ADAMTS13: variants seen among roughly 807,000 people sequenced by gnomAD.
ADAMTS13 encodes A disintegrin and metalloproteinase with thrombospondin motifs 13.
In ADAMTS13, 110 loss-of-function variants were observed where a neutral mutation model predicts 155.1. That is an observed-to-expected ratio of 0.71 (90% confidence interval 0.61 to 0.83). The LOEUF (loss-of-function observed/expected upper bound fraction) is 0.83. Ranked by LOEUF, ADAMTS13 falls within the 40% of genes least tolerant of loss-of-function variation. The pLI is 0.00. For missense variants in ADAMTS13, 1,707 were observed against 1,891.7 expected (o/e 0.90, Z 1.81); for synonymous variants, 758 against 756.4 (o/e 1.00, Z -0.03).
rs1293587041 is a variant in ADAMTS13, at chr9:133,440,606, A to G, written c.1968+81A>G. On this transcript the variant is annotated intron_variant, in intron 16 of 28. Transcript: ENST00000355699. The surrounding 1 kb of genome is among the most constrained non-coding windows in gnomAD (Gnocchi z 4.3). The stretch of plus-strand genomic sequence containing the variant: ...TGCTTGCTCGTTTGTCTATCCATCC[A>G]TTCCCTGATTCGTTCATTTATTCAT... The G allele has an allele frequency of 4.1e-5, 58 of 1,424,118 alleles. No individual in the cohort carries two copies. The highest frequency in any genetic ancestry group is 5.3e-5 in the Non-Finnish European group (56 of 1,066,510). 88.2% of individuals were successfully genotyped at this position (1,424,118 alleles called of 1,614,324 possible).
chr9:133,448,564 C>T (rs1554793252), intron 21 of ADAMTS13, 35 bp from the exon 22 acceptor site: 1 of 1,605,854 alleles, frequency 6.2e-7, no homozygotes, highest in East Asian at 2.2e-5. Flanking sequence ...TGAGCCTGTC[C>T]CTTGGGGCTC....
chr9:133,440,779 C>G lies in ADAMTS13; in HGVS notation c.1968+254C>G, dbSNP rs1250182332. Among the ~76,000 whole-genome samples the G allele has an allele frequency of 6.6e-6, 1 of 152,084 alleles. No individual in the cohort carries two copies. The highest frequency in any genetic ancestry group is 2.4e-5 in the African/African-American group (1 of 41,408). ...GGAGAAGGCCCTGCAGTTCTGGGAT[C>G]AGGTAAGGTTGGAGGGCCCAATGCA... On this transcript the variant is annotated intron_variant, in intron 16 of 28. Transcript: ENST00000355699. This position sits in a 1 kb window ranked among gnomAD's most constrained non-coding sequence, Gnocchi z 4.3.
At position 133,454,430 on chromosome 9, in the gene ADAMTS13, C is replaced by A. The variant is rs370359180; in HGVS notation, c.3060C>A (p.Ser1020=). The A allele has an allele frequency of 6.2e-7, 1 of 1,613,884 alleles. No homozygotes were observed. Among genetic ancestry groups the A allele is most frequent in the African/African-American group, 1.3e-5 (1 of 75,058 alleles). ...CTTCCTGCAGGTGGAAAGTCATGTC[C>A]CTTGGCCCATGTTCGGCCAGCTGTG... is the stretch of plus-strand genomic sequence containing the variant. The part of the protein sequence containing the change: ...EPCPPRWKVM[S]LGPCSASCGL... Residue 1020 remains serine, a synonymous_variant, in exon 24 of 29, where the codon TCC becomes TCA. Transcript: ENST00000355699.
chr9:133,423,960 T>G (rs1193831147), intron 2 of ADAMTS13, among the ~76,000 whole-genome samples: 2 of 152,248 alleles, frequency 1.3e-5, no homozygotes, highest in Admixed American at 6.5e-5. Context: ...AAGAGACCAC[T>G]GGGCTCCACT....
chr9:133,458,087 A>G lies in ADAMTS13; in HGVS notation c.3902A>G (p.Tyr1301Cys). The change falls in exon 28 of 29, where the codon TAC becomes TGC. Residue 1301 changes from tyrosine (Y) to cysteine (C), a missense_variant. Physicochemically the swap from Tyr to Cys is radical, Grantham distance 194. Transcript: ENST00000355699. ...GGGACCGAGGGAGCCAATGCCAGCT[A>G]CATCTTGGTGAGGCCCAGCATGGGG... ...GAGTEGANAS[Y>C]ILIRDTHSLR... 6.2e-7 allele frequency: 1 copy of G among 1,613,316 alleles called. No homozygotes were observed. Among genetic ancestry groups the G allele is most frequent in the Non-Finnish European group, 8.5e-7 (1 of 1,179,988 alleles).
chr9:133,422,551 G>A lies in ADAMTS13; in HGVS notation c.105+3G>A. On this transcript the variant is annotated splice_donor_region_variant and intron_variant, in intron 1 of 28. Coordinates refer to ENST00000355699, the MANE Select transcript of ADAMTS13 (RefSeq NM_139027.6). Reference sequence around the variant, plus strand: ...GGGGACCCTCCCATTTCCAGCAGGTGGGCTCATTTGCAGGAGCGGGGGTAT... The same window carrying A: ...GGGGACCCTCCCATTTCCAGCAGGTAGGCTCATTTGCAGGAGCGGGGGTAT... 6.2e-7 allele frequency: 1 copy of A among 1,613,982 alleles called. No individual in the cohort carries two copies. Among genetic ancestry groups the A allele is most frequent in the Non-Finnish European group, 8.5e-7 (1 of 1,179,976 alleles).
At chr9:133,448,560 T>C in intron 21 of ADAMTS13, 39 bp from the exon 22 acceptor site, 1 of 1,604,974 alleles carries the variant, frequency 6.2e-7, no homozygotes. Context: ...TTGCTGAGCC[T>C]GTCCCTTGGG....
chr9:133,458,205 T>G, intron 28 of ADAMTS13, 111 bp downstream of exon 28: 1 of 1,291,796 alleles, frequency 7.7e-7, no homozygotes, highest in Non-Finnish European at 1.1e-6. Flanking sequence ...TCAAAATCAT[T>G]AGTGAAAGAA....
upstream of ADAMTS13, among the ~76,000 whole-genome samples, chr9:133,421,603 C>G (rs1434721240): frequency 6.6e-6 from 1 of 152,158 alleles, no homozygotes; most frequent in African/African-American, 2.4e-5. Context: ...CAGAGCCTGG[C>G]CTGTTTCAGG....
At chr9:133,420,281 C>T (rs587734075), upstream of ADAMTS13, among the ~76,000 whole-genome samples, 7 of 152,250 alleles carry the variant, frequency 4.6e-5, no homozygotes, top group East Asian at 1.9e-4. Context: ...CCTCATGATC[C>T]GCGTGCCTCG....
At chr9:133,421,309 G>A (rs1839944844), upstream of ADAMTS13, among the ~76,000 whole-genome samples, 1 of 152,162 alleles carries the variant, frequency 6.6e-6, no homozygotes, top group South Asian at 2.1e-4. Context: ...AGTCATTCAT[G>A]CTGATGGAGT....
intron 9 of ADAMTS13, 78 bp downstream of exon 9, chr9:133,432,770 A>G: frequency 7.2e-7 from 1 of 1,386,080 alleles, no homozygotes; most frequent in Non-Finnish European, 9.9e-7. Flanking sequence ...CCCTATTCCT[A>G]GGTCAGGAGG....
Position 133,432,593 on chromosome 9 carries a change from G to A in ADAMTS13, c.993G>A (p.Met331Ile). The change falls in exon 9 of 29, where the codon ATG becomes ATA. Residue 331 changes from methionine to isoleucine, a missense_variant. Met to Ile is a conservative substitution (Grantham distance 10). This residue lies in a region of ADAMTS13 where 733 missense variants were observed against 749.6 expected (regional missense o/e 0.98). Coordinates refer to ENST00000355699, the MANE Select transcript of ADAMTS13 (RefSeq NM_139027.6). ...ACTFAREHLD[M>I]CQALSCHTDP... is the part of the protein sequence containing the mutation. ...CCACCTGTCCACCCTCCTAGGATATGTGCCAGGCCCTCTCCTGCCACACAG... is the reference window on the plus strand; with the variant it reads ...CCACCTGTCCACCCTCCTAGGATATATGCCAGGCCCTCTCCTGCCACACAG... 2 of 1,552,230 alleles carry A rather than the reference G, an allele frequency of 1.3e-6. No individual in the cohort carries two copies. Among genetic ancestry groups the A allele is most frequent in the Non-Finnish European group, 1.7e-6 (2 of 1,147,824 alleles).
At chr9:133,414,762 T>C in intron 1 of ADAMTS13, 1 of 1,614,162 alleles carries the variant, frequency 6.2e-7, no homozygotes, top group Non-Finnish European at 8.5e-7. Flanking sequence ...CTTTCCTTGG[T>C]TCCTTTCTTA....
intron 13 of ADAMTS13, 70 bp downstream of exon 13, chr9:133,437,967 G>A (rs966903534): frequency 1.8e-4 from 290 of 1,606,672 alleles, no homozygotes; most frequent in Non-Finnish European, 2.2e-4. Context: ...CTGGGGGCAG[G>A]TTGGTGGGTG....
upstream of ADAMTS13, chr9:133,414,346 C>T (rs1554780940): frequency 5.4e-6 from 3 of 557,660 alleles, no homozygotes; most frequent in Non-Finnish European, 1.0e-5. Flanking sequence ...CAGAAACTTG[C>T]CCCAAACCAC....
rs1389434934 is a variant in ADAMTS13, at chr9:133,440,019, G to A, written c.1787-325G>A. ...AAAGCTGGACTTCTCTTTGGGCAAG[G>A]CCCGCTTCTTTGCTATTGAGGGCCA... On this transcript the variant is annotated intron_variant, in intron 15 of 28. Coordinates refer to ENST00000355699, the MANE Select transcript of ADAMTS13 (RefSeq NM_139027.6). This position sits in a 1 kb window ranked among gnomAD's most constrained non-coding sequence, Gnocchi z 4.3. Among the ~76,000 whole-genome samples, 1 of 152,258 alleles carries A rather than the reference G, an allele frequency of 6.6e-6. No homozygotes were observed. Among genetic ancestry groups the A allele is most frequent in the Non-Finnish European group, 1.5e-5 (1 of 68,046 alleles).
intron 23 of ADAMTS13, among the ~76,000 whole-genome samples, chr9:133,453,029 G>A (rs907403998): frequency 6.6e-6 from 1 of 152,064 alleles, no homozygotes; most frequent in Non-Finnish European, 1.5e-5. Context: ...CGGCACTCTC[G>A]TCCCTCCTGT....
chr9:133,420,009 A>C (rs915661677), upstream of ADAMTS13, among the ~76,000 whole-genome samples: 9 of 151,770 alleles, frequency 5.9e-5, no homozygotes, highest in African/African-American at 2.2e-4. Flanking sequence ...GGTTCAAGTG[A>C]TTCTTCTGCC....
Sources: allele counts gnomAD v4.1 joint callset (sites outside exome capture counted in the v4.1 genomes callset), GRCh38; gene constraint gnomAD v4.1.1; regional missense constraint gnomAD v4.1.1; non-coding constraint Gnocchi (gnomAD v3.1); transcripts MANE v1.5; gene names NCBI Gene and HGNC (gene_info 2026-07-23, HGNC 2026-07-21).